PPP3R1: variants seen among roughly 807,000 people sequenced by gnomAD.
PPP3R1 encodes the protein protein phosphatase 3 regulatory subunit B, alpha, also known as calcineurin subunit B type 1.
A neutral mutation model predicts 22.6 loss-of-function variants in PPP3R1; 5 were observed. The ratio of observed to expected loss-of-function variants is 0.22; its 90% CI spans 0.12 to 0.46. The LOEUF (loss-of-function observed/expected upper bound fraction) is 0.46, where lower values mean the gene tolerates loss of function less well. Among genes scored for constraint, PPP3R1 ranks in the 20% least tolerant of loss-of-function variants. The pLI, the probability that PPP3R1 is intolerant of heterozygous loss-of-function variation, is 0.99. For synonymous variants in PPP3R1, 56 were observed against 65.2 expected (o/e 0.86, Z 0.68); for missense variants, 61 against 203.2 (o/e 0.30, Z 4.25).
intron 2 of PPP3R1, among the ~76,000 whole-genome samples, chr2:68,191,132 CACAT>C (rs1674658010): frequency 6.6e-6 from 1 of 152,156 alleles, no homozygotes; most frequent in South Asian, 2.1e-4. Context: ...CACCAAAATA[CACAT>C]ACAGTCAGTC....
intron 1 of PPP3R1, among the ~76,000 whole-genome samples, chr2:68,222,727 C>G (rs1212071263): frequency 1.3e-5 from 2 of 152,140 alleles, no homozygotes; most frequent in Non-Finnish European, 2.9e-5. Context: ...CCTCCATAAT[C>G]ATGTGAGGCA....
intron 1 of PPP3R1, among the ~76,000 whole-genome samples, chr2:68,230,732 A>C (rs530469996): frequency 1.2e-4 from 19 of 152,034 alleles, no homozygotes; most frequent in Non-Finnish European, 2.1e-4. Flanking sequence ...ATTTTCCTTC[A>C]TATGTCTTGA....
At chr2:68,197,873 T>C (rs907495826) in intron 2 of PPP3R1, among the ~76,000 whole-genome samples, 10 of 151,794 alleles carry the variant, frequency 6.6e-5, no homozygotes, top group African/African-American at 2.4e-4. Context: ...TAAAAGTCTT[T>C]ACCCATCCTT....
chr2:68,187,177 A>G, intron 4 of PPP3R1, 78 bp downstream of exon 4: 3 of 1,177,110 alleles, frequency 2.5e-6, no homozygotes, highest in Non-Finnish European at 3.6e-6. Flanking sequence ...CTTTTTCATT[A>G]TTTTAAAAAG....
intron 1 of PPP3R1, among the ~76,000 whole-genome samples, chr2:68,239,899 G>C (rs1670086702): frequency 1.3e-5 from 2 of 152,240 alleles, no homozygotes; most frequent in Non-Finnish European, 2.9e-5. Flanking sequence ...TAAAGCGGTT[G>C]ATTTTCAACT....
At chr2:68,186,730 A>AT (rs1674554418) in intron 4 of PPP3R1, 78 bp from the exon 5 acceptor site, 3 of 1,222,236 alleles carry the variant, frequency 2.5e-6, no homozygotes, top group Non-Finnish European at 2.3e-6. Context: ...AGAAAATAGT[A>AT]AACTGACAAA....
intron 2 of PPP3R1, among the ~76,000 whole-genome samples, chr2:68,198,929 C>G (rs1431938366): frequency 1.3e-5 from 2 of 152,032 alleles, no homozygotes; most frequent in Non-Finnish European, 2.9e-5. Flanking sequence ...CAATTTTACT[C>G]TATTATGCAT....
chr2:68,250,706 T>C lies in PPP3R1; in HGVS notation c.3+1419A>G, dbSNP rs138124390. 1.1e-3 allele frequency among the ~76,000 whole-genome samples: 168 copies of C among 152,338 alleles called. 4 individuals carry two copies. The East Asian group carries it at 0.028, about 26-fold the overall frequency. ...GCCTCGCAAGTTGGCAAGGAAAAAC[T>C]TTCTCTACACATCAAAATCGGCAAT... On this transcript the variant is annotated intron_variant, in intron 1 of 5. Coordinates refer to ENST00000234310, the MANE Select transcript of PPP3R1 (RefSeq NM_000945.4).
chr2:68,194,325 A>G (rs1210833385), intron 2 of PPP3R1, among the ~76,000 whole-genome samples: 3 of 152,128 alleles, frequency 2.0e-5, no homozygotes, highest in Non-Finnish European at 2.9e-5. Flanking sequence ...GGATAAATGT[A>G]AAATTCAGAT....
Position 68,252,530 on chromosome 2 carries a change from C to G in PPP3R1, c.-403G>C. On this transcript the variant is annotated 5_prime_UTR_variant, in exon 1 of 6. Transcript: ENST00000234310. ...CTCGCGCTGACCCGCAACCTCAAGGCACGAAAAAAGGGGAGGGCGGAGAGG... is the reference window on the plus strand; with the variant it reads ...CTCGCGCTGACCCGCAACCTCAAGGGACGAAAAAAGGGGAGGGCGGAGAGG... 1 of 887,378 alleles carries G rather than the reference C, an allele frequency of 1.1e-6. No individual in the cohort carries two copies. 55.0% of individuals were successfully genotyped at this position (887,378 alleles called of 1,614,324 possible). A position where few individuals can be genotyped will look rare whatever the true frequency, so the allele number is the denominator to read the frequency against.
In PPP3R1 at chr2:68,180,868, A is replaced by G; in HGVS notation, c.*95T>C. 1 of 1,282,898 alleles carries G rather than the reference A, an allele frequency of 7.8e-7. No homozygotes were observed. The highest frequency in any genetic ancestry group is 1.3e-5 in the South Asian group (1 of 77,198). 79.5% of individuals were successfully genotyped at this position (1,282,898 alleles called of 1,614,324 possible). Reference sequence around the variant, plus strand: ...TGGCTTCACAGAGAAAAATACTTCCATTTAAATACACAGAGAGCATTGCTG... The same window carrying G: ...TGGCTTCACAGAGAAAAATACTTCCGTTTAAATACACAGAGAGCATTGCTG... On this transcript the variant is annotated 3_prime_UTR_variant, in exon 6 of 6. Transcript: ENST00000234310.
At chr2:68,186,433 ATAAC>A (rs752478191) in intron 5 of PPP3R1, 31 bp downstream of exon 5, 80 of 1,546,698 alleles carry the variant, frequency 5.2e-5, no homozygotes, top group African/African-American at 1.1e-4. Flanking sequence ...TTGCTGAAAC[ATAAC>A]TAACGGAAGA....
chr2:68,193,932 A>ATTCCC (rs1242050985), intron 2 of PPP3R1, among the ~76,000 whole-genome samples: 1 of 152,108 alleles, frequency 6.6e-6, no homozygotes, highest in African/African-American at 2.4e-5. Context: ...TTAGGATCAT[A>ATTCCC]TTCCCTTAAA....
intron 1 of PPP3R1, among the ~76,000 whole-genome samples, chr2:68,226,982 T>C (rs899965040): frequency 2.0e-5 from 3 of 152,090 alleles, no homozygotes; most frequent in African/African-American, 4.8e-5. Flanking sequence ...GTAATATTTA[T>C]AGTTCACAAA....
intron 1 of PPP3R1, among the ~76,000 whole-genome samples, chr2:68,222,746 T>C (rs1018618699): frequency 2.6e-5 from 4 of 152,126 alleles, no homozygotes; most frequent in African/African-American, 7.2e-5. Flanking sequence ...CAATATCATA[T>C]AATAAATCTC....
intron 1 of PPP3R1, among the ~76,000 whole-genome samples, chr2:68,229,857 G>GGTGT (rs371523620): frequency 1.8e-4 from 27 of 149,300 alleles, no homozygotes; most frequent in African/African-American, 4.9e-4. Flanking sequence ...ATGTTTAATT[G>GGTGT]GTGTGTGTGT....
intron 1 of PPP3R1, among the ~76,000 whole-genome samples, chr2:68,247,495 C>T (rs1482508371): frequency 1.3e-5 from 2 of 152,294 alleles, no homozygotes; most frequent in East Asian, 3.9e-4. Flanking sequence ...ATGTAGCAGG[C>T]ACTGTTAATA....
At chr2:68,227,498 G>A (rs1669805264) in intron 1 of PPP3R1, among the ~76,000 whole-genome samples, 1 of 150,458 alleles carries the variant, frequency 6.6e-6, no homozygotes, top group Non-Finnish European at 1.5e-5. Flanking sequence ...GTCGGGGACA[G>A]AAAAGATCAA....
intron 2 of PPP3R1, among the ~76,000 whole-genome samples, chr2:68,192,581 CCAAT>C (rs1163549290): frequency 1.3e-5 from 2 of 152,032 alleles, no homozygotes; most frequent in Non-Finnish European, 2.9e-5. Context: ...GAAAACTCCT[CCAAT>C]CAAGAAGATA....
Sources: gnomAD v4.1 joint callset for allele counts (sites outside exome capture counted in the v4.1 genomes callset) on GRCh38, gnomAD v4.1.1 for gene constraint, MANE v1.5 for transcripts, NCBI Gene and HGNC (gene_info 2026-07-23, HGNC 2026-07-21) for gene names.